PVT1: variants seen among roughly 807,000 people sequenced by gnomAD.
PVT1 encodes the protein Pvt1 oncogene, also known as CXCR4/PVT1 fusion.
intron 4 of PVT1, among the ~76,000 whole-genome samples, chr8:128,038,283 C>T (rs1046522639): frequency 2.0e-5 from 3 of 152,232 alleles, no homozygotes; most frequent in East Asian, 1.9e-4. Flanking sequence ...TCCACATTTC[C>T]CTGGGAGCCT....
chr8:127,817,800 G>A (rs1462551088), intron 2 of PVT1, among the ~76,000 whole-genome samples: 2 of 151,808 alleles, frequency 1.3e-5, no homozygotes, highest in African/African-American at 4.8e-5. Context: ...GCTGAGATGG[G>A]AGAATTGCTT....
intron 2 of PVT1, among the ~76,000 whole-genome samples, chr8:127,825,723 A>T (rs4733790): frequency 0.68 from 102,869 of 152,010 alleles, 36,171 homozygotes; most frequent in African/African-American, 0.87. Context: ...GTATGTTCCT[A>T]GCCGCGTCAC....
chr8:127,815,633 CA>C (rs750225672), intron 2 of PVT1, among the ~76,000 whole-genome samples: 6 of 152,174 alleles, frequency 3.9e-5, no homozygotes, highest in Non-Finnish European at 7.4e-5. Flanking sequence ...AGAAATTCAT[CA>C]GGGGCGGAGG....
At position 127,979,658 on chromosome 8, in the gene PVT1, C is replaced by T. The variant is rs1816861282; in HGVS notation, n.783-9504C>T. 2.0e-5 allele frequency among the ~76,000 whole-genome samples: 3 copies of T among 152,194 alleles called. No individual in the cohort carries two copies. The South Asian group carries it at 6.2e-4, about 32-fold the overall frequency. ...ATGCCAGAGGAGCCTGGGAGCTAGA[C>T]TGATCCTTCAGAATTGTCCTGAATT... On this transcript the variant is annotated intron_variant and non_coding_transcript_variant, in intron 3 of 10. Coordinates refer to ENST00000651587, the Ensembl canonical transcript of PVT1.
intron 6 of PVT1, among the ~76,000 whole-genome samples, chr8:128,098,151 G>A (rs532344700): frequency 4.1e-4 from 62 of 152,166 alleles, no homozygotes; most frequent in African/African-American, 1.4e-3. Context: ...CCTTGGGGCT[G>A]GAATTGTAGT....
chr8:127,836,786 C>T (rs984893727), intron 2 of PVT1, among the ~76,000 whole-genome samples: 3 of 152,192 alleles, frequency 2.0e-5, no homozygotes, highest in East Asian at 1.9e-4. Context: ...CCACAGTCAG[C>T]GAGCAAGAAA....
intron 2 of PVT1, among the ~76,000 whole-genome samples, chr8:127,857,021 T>A (rs2129743906): frequency 6.6e-6 from 1 of 152,178 alleles, no homozygotes; most frequent in African/African-American, 2.4e-5. Context: ...AGGTCAGAAG[T>A]TCGAGACCAG....
intron 3 of PVT1, among the ~76,000 whole-genome samples, chr8:127,956,539 C>T (rs948199540): frequency 2.0e-4 from 31 of 152,256 alleles, no homozygotes; most frequent in African/African-American, 6.8e-4. Context: ...GGCTGGAGTG[C>T]AGTGGCGTGA....
intron 3 of PVT1, among the ~76,000 whole-genome samples, chr8:127,982,650 A>ATT (rs1197013159): frequency 5.1e-4 from 72 of 142,122 alleles, no homozygotes; most frequent in Non-Finnish European, 8.8e-4. Flanking sequence ...CCTCTACAAA[A>ATT]ATAATTAATT....
At chr8:127,884,131 AT>A (rs1259870323) in intron 2 of PVT1, among the ~76,000 whole-genome samples, 3 of 152,350 alleles carry the variant, frequency 2.0e-5, no homozygotes, top group African/African-American at 7.2e-5. Context: ...CATTTCCAGC[AT>A]TTTGGAAGCC....
At chr8:127,823,976 T>G (rs1475857290) in intron 2 of PVT1, among the ~76,000 whole-genome samples, 1 of 152,160 alleles carries the variant, frequency 6.6e-6, no homozygotes, top group Non-Finnish European at 1.5e-5. Flanking sequence ...GAGGATCTCT[T>G]GAGCCCAGGA....
intron 4 of PVT1, among the ~76,000 whole-genome samples, chr8:128,040,940 GTGT>G (rs1434388551): frequency 1.1e-4 from 16 of 150,562 alleles, no homozygotes; most frequent in Non-Finnish European, 2.1e-4. Flanking sequence ...GTATATGTGT[GTGT>G]TTTCTGCTTG....
chr8:127,938,187 G>A (rs1229678407), intron 3 of PVT1, among the ~76,000 whole-genome samples: 1 of 152,130 alleles, frequency 6.6e-6, no homozygotes, highest in Non-Finnish European at 1.5e-5. Flanking sequence ...CAGAAACAGC[G>A]CCAGCCCTGC....
At chr8:128,091,196 G>A (rs896743575) in intron 5 of PVT1, among the ~76,000 whole-genome samples, 5 of 152,104 alleles carry the variant, frequency 3.3e-5, no homozygotes, top group South Asian at 2.1e-4. Context: ...TTTACTCCTC[G>A]GACTGTCCCG....
chr8:127,851,682 G>A (rs1442873051), intron 2 of PVT1, among the ~76,000 whole-genome samples: 1 of 152,110 alleles, frequency 6.6e-6, no homozygotes, highest in African/African-American at 2.4e-5. Flanking sequence ...CCTTTCAGGA[G>A]GGTGAATCTG....
rs182303606 is a variant in PVT1 at position 127,875,439 on chromosome 8, T to G, written n.373-15150T>G. ...GTTTTCTGATTATAAGAGGAATACT[T>G]CATCATTAGACATATTTCGAGCCTC... On this transcript the variant is annotated intron_variant and non_coding_transcript_variant, in intron 2 of 10. Coordinates refer to ENST00000651587, the Ensembl canonical transcript of PVT1. 2.0e-5 allele frequency among the ~76,000 whole-genome samples: 3 copies of G among 152,234 alleles called. No homozygotes were observed. In the East Asian group the frequency reaches 5.8e-4, roughly 29 times the overall value.
At chr8:127,887,931 GTTTTTTTT>G (rs560976785) in intron 2 of PVT1, among the ~76,000 whole-genome samples, 5 of 66,588 alleles carry the variant, frequency 7.5e-5, no homozygotes, top group Non-Finnish European at 1.2e-4. Context: ...ACTCTATCTT[GTTTTTTTT>G]TTTTTTTTTT....
At chr8:127,901,583 A>C (rs753562391) in intron 3 of PVT1, among the ~76,000 whole-genome samples, 3 of 151,732 alleles carry the variant, frequency 2.0e-5, no homozygotes, top group Non-Finnish European at 4.4e-5. Context: ...TCTTTTTTTT[A>C]TTTTTCTTTT....
At chr8:127,872,342 G>A (rs1385072188) in intron 2 of PVT1, among the ~76,000 whole-genome samples, 1 of 152,168 alleles carries the variant, frequency 6.6e-6, no homozygotes, top group Non-Finnish European at 1.5e-5. Flanking sequence ...GAACCCAGGA[G>A]GTGGAGATTG....
Sources: gnomAD v4.1 joint callset for allele counts (sites outside exome capture counted in the v4.1 genomes callset) on GRCh38, gnomAD v4.1.1 for gene constraint, MANE v1.5 for transcripts, NCBI Gene and HGNC (gene_info 2026-07-23, HGNC 2026-07-21) for gene names.